The following CEP120 variants were observed in gnomAD, a reference collection of about 807,000 sequenced individuals.
The protein encoded by CEP120 is centrosomal protein of 120 kDa.
Under a neutral mutation model 126.5 loss-of-function variants are expected in CEP120, and 113 were observed. That is an observed-to-expected ratio of 0.89 (90% CI 0.77 to 1.04). The LOEUF (loss-of-function observed/expected upper bound fraction) is 1.04. Ranked by LOEUF, CEP120 falls within the 50% of genes least tolerant of loss-of-function variation. The probability of loss-of-function intolerance (pLI) is 0.00; values close to 1 mark genes in which losing one functional copy is unlikely to be tolerated. For synonymous variants in CEP120, 400 were observed against 394.3 expected, an observed-to-expected ratio of 1.01 and a Z score of -0.17; for missense variants, 1,230 against 1,155.7, an observed-to-expected ratio of 1.06 and a Z score of -0.93.
intron 5 of CEP120, among the ~76,000 whole-genome samples, chr5:123,394,450 A>C (rs894785371): frequency 6.6e-6 from 1 of 152,148 alleles, no homozygotes; most frequent in Admixed American, 6.5e-5. Flanking sequence ...TCCTATGAAA[A>C]TCTAATGCCA....
At chr5:123,401,316 C>T (rs1220349065) in intron 4 of CEP120, 1 of 1,604,934 alleles carries the variant, frequency 6.2e-7, no homozygotes, top group Non-Finnish European at 8.5e-7. Context: ...ATGGCCAGCT[C>T]TCCACACTGC....
intron 5 of CEP120, among the ~76,000 whole-genome samples, chr5:123,398,784 A>G (rs545842451): frequency 1.3e-5 from 2 of 152,354 alleles, no homozygotes; most frequent in East Asian, 3.9e-4. Context: ...TTAGTGGCAG[A>G]AAGTATTCCT....
chr5:123,359,594 T>C (rs1036897890), intron 18 of CEP120, among the ~76,000 whole-genome samples: 1 of 152,016 alleles, frequency 6.6e-6, no homozygotes, highest in African/African-American at 2.4e-5. Flanking sequence ...CTTACAAGTC[T>C]AACAAGTAGA....
intron 17 of CEP120, among the ~76,000 whole-genome samples, chr5:123,367,301 T>G (rs980006433): frequency 5.9e-5 from 9 of 151,926 alleles, no homozygotes; most frequent in Non-Finnish European, 8.8e-5. Flanking sequence ...TAAAAATATT[T>G]ATGTTCTTTC....
At chr5:123,401,362 C>G (rs1166930021) in intron 4 of CEP120, 2 of 1,573,218 alleles carry the variant, frequency 1.3e-6, no homozygotes, top group African/African-American at 1.3e-5. Flanking sequence ...GGAAAGCCCT[C>G]TGGCCTTTGA....
At chr5:123,396,488 G>T (rs1353399686) in intron 5 of CEP120, among the ~76,000 whole-genome samples, 1 of 151,732 alleles carries the variant, frequency 6.6e-6, no homozygotes, top group East Asian at 1.9e-4. Flanking sequence ...GTATTACCAA[G>T]AACTGTATTA....
At chr5:123,351,878 C>G (rs1408990989) in intron 18 of CEP120, among the ~76,000 whole-genome samples, 1 of 152,120 alleles carries the variant, frequency 6.6e-6, no homozygotes, top group Non-Finnish European at 1.5e-5. Context: ...GGATGTTCAA[C>G]CTGTATTTCC....
chr5:123,422,575 C>A, intron 1 of CEP120: 1 of 1,531,316 alleles, frequency 6.5e-7, no homozygotes, highest in Non-Finnish European at 8.7e-7. Flanking sequence ...TCGCAGGAAG[C>A]CTGTATTCAA....
intron 13 of CEP120, 62 bp downstream of exon 13, chr5:123,382,675 G>T: frequency 6.8e-7 from 1 of 1,478,818 alleles, no homozygotes; most frequent in East Asian, 2.4e-5. Context: ...CCTTGCTACG[G>T]AGAAGGAAAA....
rs759442719 is a variant in CEP120 at position 123,389,918 on chromosome 5, C to A, written c.1255+6G>T. The A allele has an allele frequency of 6.2e-7, 1 of 1,610,234 alleles. No individual in the cohort carries two copies. The highest frequency in any genetic ancestry group is 8.5e-7 in the Non-Finnish European group (1 of 1,176,786). On this transcript the variant is annotated splice_donor_region_variant and intron_variant, in intron 8 of 19. Coordinates refer to ENST00000306467, the MANE Select transcript of CEP120 (RefSeq NM_001375405.1). Reference sequence around the variant, plus strand: ...AGATCTATAAACAAACAACAAAAAACCTTACCTTTTGGATTTGGTTTGGTG... The same window carrying A: ...AGATCTATAAACAAACAACAAAAAAACTTACCTTTTGGATTTGGTTTGGTG...
At chr5:123,399,335 T>C (rs779452094) in intron 4 of CEP120, 51 bp from the exon 5 acceptor site, 42 of 1,541,110 alleles carry the variant, frequency 2.7e-5, no homozygotes, top group Non-Finnish European at 3.5e-5. Context: ...TCATAAACCA[T>C]TATAAGATTT....
Position 123,423,106 on chromosome 5 carries a change from TCCCTGATGCCCGGA to T in CEP120, c.-122_-109del. ...CGGGACCCCCACTGCCCGCCCCCGG[TCCCTGATGCCCGGA>T]CCCCGCTCCGCAGCCAGGTCCCACC... On this transcript the variant is annotated 5_prime_UTR_variant, in exon 1 of 20. Coordinates refer to ENST00000306467, the MANE Select transcript of CEP120 (RefSeq NM_001375405.1). 1 of 910,252 alleles carries T rather than the reference TCCCTGATGCCCGGA, an allele frequency of 1.1e-6. No homozygotes were observed. The allele number at this position is 910,252 out of a possible 1,614,324, so 56.4% of individuals were successfully genotyped here.
chr5:123,398,792 C>G (rs572999546), intron 5 of CEP120, among the ~76,000 whole-genome samples: 1 of 152,066 alleles, frequency 6.6e-6, no homozygotes, highest in South Asian at 2.1e-4. Flanking sequence ...AGAAAGTATT[C>G]CTGACATTGT....
Position 123,403,296 on chromosome 5 carries a change from G to C in CEP120, c.464-4012C>G, listed in dbSNP as rs566446286. The C allele has an allele frequency of 1.3e-5, 6 of 456,038 alleles. No individual in the cohort carries two copies. In the East Asian group the frequency reaches 4.2e-4, roughly 32 times the overall value. The allele number at this position is 456,038 out of a possible 1,614,324, so 28.2% of individuals were successfully genotyped here. A position where few individuals can be genotyped will look rare whatever the true frequency, so the allele number is the denominator to read the frequency against. ...CTCCTTAGAGAAATGGCTGAATCCA[G>C]AGCTGAGACAGAGTAAGCACAAGAT... is the stretch of plus-strand genomic sequence containing the variant. On this transcript the variant is annotated intron_variant, in intron 4 of 19. Transcript: ENST00000306467.
chr5:123,423,388 G>A lies in CEP120; in HGVS notation c.-390C>T, dbSNP rs1359836090. On this transcript the variant is annotated 5_prime_UTR_variant, in exon 1 of 20. Transcript: ENST00000306467. ...AGGCCCGCAGGCCCAGTGCCCAGGG[G>A]AGGTTGGAGGACAACGGGTGATAGA... 7.3e-6 allele frequency: 2 copies of A among 275,628 alleles called. No homozygotes were observed. The highest frequency in any genetic ancestry group is 2.3e-5 in the African/African-American group (1 of 43,452). 17.1% of individuals were successfully genotyped at this position (275,628 alleles called of 1,614,324 possible).
chr5:123,406,178 GA>G (rs34175380), intron 4 of CEP120, among the ~76,000 whole-genome samples: 108,332 of 149,946 alleles, frequency 0.72, 39,159 homozygotes, highest in African/African-American at 0.78. Flanking sequence ...AAGACTGGGG[GA>G]AAAAAAAAAC....
chr5:123,414,056 T>C (rs1178310057), intron 3 of CEP120, among the ~76,000 whole-genome samples: 1 of 152,196 alleles, frequency 6.6e-6, no homozygotes, highest in Non-Finnish European at 1.5e-5. Flanking sequence ...AACTGAGCCA[T>C]TTCTCCCTTT....
rs1379974629 is a variant in CEP120, at chr5:123,409,134, A to G, written c.463+3265T>C. 2.0e-5 allele frequency among the ~76,000 whole-genome samples: 3 copies of G among 152,206 alleles called. No individual in the cohort carries two copies. In the East Asian group the frequency reaches 5.8e-4, roughly 29 times the overall value. ...AGTCTGGTTCAACATTCAAAAATCA[A>G]TTAATGTAATCCATCACATCAACAG... is the stretch of plus-strand genomic sequence containing the variant. On this transcript the variant is annotated intron_variant, in intron 4 of 19. Transcript: ENST00000306467.
intron 14 of CEP120, among the ~76,000 whole-genome samples, chr5:123,378,991 A>AGAC (rs1771456551): frequency 6.6e-6 from 1 of 152,016 alleles, no homozygotes; most frequent in Admixed American, 6.6e-5. Flanking sequence ...TAGGAAAGAG[A>AGAC]GACCAGTGAA....
Sources: gnomAD v4.1 joint callset for allele counts (sites outside exome capture counted in the v4.1 genomes callset) on GRCh38, gnomAD v4.1.1 for gene constraint, MANE v1.5 for transcripts, NCBI Gene and HGNC (gene_info 2026-07-23, HGNC 2026-07-21) for gene names.